Variants in EPS8L2 observed in about 807,000 individuals in gnomAD.
EPS8L2 encodes the protein epidermal growth factor receptor kinase substrate 8-like protein 2.
A neutral mutation model predicts 99.4 loss-of-function variants in EPS8L2; 81 were observed. That is an observed-to-expected ratio of 0.82 (90% CI 0.68 to 0.98). EPS8L2 has a LOEUF of 0.98. Ranked by LOEUF, EPS8L2 falls within the 50% of genes least tolerant of loss-of-function variation. The pLI, the probability that EPS8L2 is intolerant of heterozygous loss-of-function variation, is 0.00. For synonymous variants in EPS8L2, 509 were observed against 407.3 expected (o/e 1.25, Z -3.01); for missense variants, 1,155 against 968.8 (o/e 1.19, Z -2.55).
intron 7 of EPS8L2, 69 bp downstream of exon 7, chr11:720,978 G>GCCGGCAGGGGAGGGGAGGTGC (rs1862150058): frequency 9.6e-7 from 1 of 1,043,740 alleles, no homozygotes; most frequent in African/African-American, 1.9e-5. Flanking sequence ...GAGGGGAGGA[G>GCCGGCAGGGGAGGGGAGGTGC]CCGGCAGGGG....
At chr11:711,041 G>A (rs1311574387) in intron 4 of EPS8L2, among the ~76,000 whole-genome samples, 1 of 152,138 alleles carries the variant, frequency 6.6e-6, no homozygotes, top group East Asian at 1.9e-4. Flanking sequence ...GCCCCAAAAC[G>A]AGGAACTGTA....
intron 3 of EPS8L2, 103 bp from the exon 4 acceptor site, chr11:710,319 C>T: frequency 1.8e-6 from 2 of 1,135,552 alleles, no homozygotes; most frequent in Admixed American, 3.4e-5. Flanking sequence ...ACGGAGCAGC[C>T]TCCCTCCGCT....
In EPS8L2 at chr11:726,151, C is replaced by G. The variant is rs539848608; in HGVS notation, c.1734C>G (p.Ser578Arg). The change falls in exon 18 of 21, where the codon AGC (serine) becomes AGG (arginine). Residue 578 changes from serine to arginine, a missense_variant. Transcript: ENST00000318562. ...PASPTHKLPP[S>R]FPGNKDELMQ... ...GCCCGACCCACAAGCTACCCCCAAGCTTCCCGGGGAACAAAGACGGTGAGA... is the reference window on the plus strand; with the variant it reads ...GCCCGACCCACAAGCTACCCCCAAGGTTCCCGGGGAACAAAGACGGTGAGA... The G allele has an allele frequency of 6.2e-6, 10 of 1,608,904 alleles. No individual in the cohort carries two copies. The African/African-American group carries it at 1.3e-4, about 22-fold the overall frequency.
In EPS8L2 at chr11:715,178, C is replaced by A. The variant is rs553902212; in HGVS notation, c.165+4692C>A. 2.0e-3 allele frequency among the ~76,000 whole-genome samples: 304 copies of A among 151,594 alleles called. 3 individuals carry two copies. Among genetic ancestry groups the A allele is most frequent in the Non-Finnish European group, 1.5e-3 (101 of 67,970 alleles). On this transcript the variant is annotated intron_variant, in intron 4 of 20. Transcript: ENST00000318562. Reference sequence around the variant, plus strand: ...AATGGCGTGAACCCCGGAGGCGGAGCTTGCAGTAAGCTGAGATTGCGCCAC... The same window carrying A: ...AATGGCGTGAACCCCGGAGGCGGAGATTGCAGTAAGCTGAGATTGCGCCAC...
Position 721,669 on chromosome 11 carries a change from G to A in EPS8L2, c.873G>A (p.Lys291=). 3 of 1,589,766 alleles carry A rather than the reference G, an allele frequency of 1.9e-6. No individual in the cohort carries two copies. The highest frequency in any genetic ancestry group is 2.6e-6 in the Non-Finnish European group (3 of 1,170,464). Reference sequence around the variant, plus strand: ...TGAACCAGCGGAAAAAGGGGAAGAAGAAGGGCAAGAAGGCGCCAGCAGGTG... The same window carrying A: ...TGAACCAGCGGAAAAAGGGGAAGAAAAAGGGCAAGAAGGCGCCAGCAGGTG... ...KQLNQRKKGK[K]KGKKAPAEGV... The change falls in exon 10 of 21, where the codon AAG becomes AAA. Residue 291 remains lysine, a synonymous_variant. Transcript: ENST00000318562.
chr11:722,242 T>C, intron 12 of EPS8L2, 77 bp downstream of exon 12: 3 of 1,561,336 alleles, frequency 1.9e-6, no homozygotes, highest in Non-Finnish European at 2.6e-6. Context: ...GGGTCGGGGT[T>C]GGGGCAGCAG....
In EPS8L2 at chr11:720,098, A is replaced by G; in HGVS notation, c.202A>G (p.Ile68Val). ...ATFIMDKSEAITSVDDAIRKL... is the reference protein window; with the variant it reads ...ATFIMDKSEAVTSVDDAIRKL... Reference sequence around the variant, plus strand: ...ATTCATCATGGACAAGAGCGAAGCCATCACGTCTGTGGACGACGCCATCCG... The same window carrying G: ...ATTCATCATGGACAAGAGCGAAGCCGTCACGTCTGTGGACGACGCCATCCG... Residue 68 changes from isoleucine (I) to valine (V), a missense_variant, in exon 5 of 21, where the codon ATC becomes GTC. By Grantham distance (29) the Ile-to-Val change is conservative (BLOSUM62 3). Coordinates refer to ENST00000318562, the MANE Select transcript of EPS8L2 (RefSeq NM_022772.4). The G allele has an allele frequency of 6.2e-7, 1 of 1,613,312 alleles. No homozygotes were observed. Among genetic ancestry groups the G allele is most frequent in the South Asian group, 1.1e-5 (1 of 91,074 alleles).
In EPS8L2 at chr11:725,823, G is replaced by T; in HGVS notation, c.1656G>T (p.Glu552Asp). The change falls in exon 17 of 21, where the codon GAG (glutamate) becomes GAT (aspartate). Residue 552 changes from glutamate (E) to aspartate (D), a missense_variant. Physicochemically the swap from Glu to Asp is conservative, Grantham distance 45. Transcript: ENST00000318562. ...PCNILGEARP[E>D]DAGAPFEQAG... ...ACATCCTAGGCGAGGCGCGACCGGA[G>T]GACGCCGGCGCCCCGTTCGAGCAGG... 1 of 1,387,246 alleles carries T rather than the reference G, an allele frequency of 7.2e-7. No homozygotes were observed. Among genetic ancestry groups the T allele is most frequent in the East Asian group, 2.8e-5 (1 of 35,880 alleles). The allele number at this position is 1,387,246 out of a possible 1,614,324, so 85.9% of individuals were successfully genotyped here.
intron 17 of EPS8L2, 29 bp from the exon 18 acceptor site, chr11:726,069 G>T: frequency 6.8e-7 from 1 of 1,479,040 alleles, no homozygotes; most frequent in East Asian, 2.4e-5. Context: ...GCGGGGCGTG[G>T]GGAGCCTAAT....
At chr11:710,327 G>C (rs1861851422) in intron 3 of EPS8L2, 95 bp from the exon 4 acceptor site, 1 of 1,254,166 alleles carries the variant, frequency 8.0e-7, no homozygotes, top group Admixed American at 1.7e-5. Flanking sequence ...GCCTCCCTCC[G>C]CTTGACTCCA....
At chr11:725,102 G>A (rs552472930) in intron 16 of EPS8L2, among the ~76,000 whole-genome samples, 4 of 152,328 alleles carry the variant, frequency 2.6e-5, no homozygotes, top group South Asian at 2.1e-4. Flanking sequence ...TGGACTCAGC[G>A]GGGGCCTGTC....
At position 724,552 on chromosome 11, in the gene EPS8L2, C is replaced by CA; in HGVS notation, c.1455-171dup. The CA allele has an allele frequency of 1.6e-6, 1 of 608,908 alleles. No individual in the cohort carries two copies. The highest frequency in any genetic ancestry group is 1.9e-5 in the South Asian group (1 of 52,444). 37.7% of individuals were successfully genotyped at this position (608,908 alleles called of 1,614,324 possible). A position where few individuals can be genotyped will look rare whatever the true frequency, so the allele number is the denominator to read the frequency against. ...CAGGGCCCCAAAGCTCTGGGGCTGT[C>CA]ACAGTTTCCATTCCGGGCTGACGCT... On this transcript the variant is annotated intron_variant, in intron 15 of 20. Transcript: ENST00000318562. The surrounding 1 kb of genome is among the most constrained non-coding windows in gnomAD (Gnocchi z 5.5).
In EPS8L2 at chr11:722,426, A is replaced by C. The variant is rs758548435; in HGVS notation, c.1085A>C (p.Asp362Ala). 5.0e-6 allele frequency: 8 copies of C among 1,613,202 alleles called. No homozygotes were observed. The highest frequency in any genetic ancestry group is 1.3e-5 in the African/African-American group (1 of 74,912). The part of the protein sequence containing the change: ...DLIVNTCSGP[D>A]IARSVSCPLL... ...ATCGTCAACACCTGCAGTGGCCCAG[A>C]CATCGCACGCTCCGTCTCCTGCCCA... Residue 362 changes from aspartate to alanine, a missense_variant, in exon 13 of 21, where the codon GAC (aspartate) becomes GCC (alanine). Transcript: ENST00000318562.
chr11:716,590 A>C (rs549558049), intron 4 of EPS8L2, among the ~76,000 whole-genome samples: 2 of 152,252 alleles, frequency 1.3e-5, no homozygotes, highest in South Asian at 4.1e-4. Flanking sequence ...TTCTTTTCTA[A>C]GATATTCATG....
Position 720,746 on chromosome 11 carries a change from G to C in EPS8L2, c.477G>C (p.Glu159Asp). ...DVHFFHCDEV[E>D]AELVHEDIES... ...ACTTCTTCCACTGCGATGAGGTGGA[G>C]GTGAGGCGGTGCCGGGCGGGGCAGG... The change falls in exon 6 of 21, where the codon GAG becomes GAC. Residue 159 changes from glutamate (E) to aspartate (D), a missense_variant and splice_region_variant. Glu to Asp is a conservative substitution (Grantham distance 45). Transcript: ENST00000318562. 6.4e-7 allele frequency: 1 copy of C among 1,559,308 alleles called. No homozygotes were observed. The highest frequency in any genetic ancestry group is 1.2e-5 in the South Asian group (1 of 83,832).
intron 4 of EPS8L2, among the ~76,000 whole-genome samples, chr11:715,060 G>A (rs113921663): frequency 0.031 from 4,664 of 152,170 alleles, 93 homozygotes; most frequent in Middle Eastern, 0.095. Context: ...GGCTAACATG[G>A]TGAAACCCCG....
rs983271016 is a variant in EPS8L2 at position 725,740 on chromosome 11, G to C, written c.1573G>C (p.Gly525Arg). ...KDEVLEVLED[G>R]RQWWKLRSRS... Reference sequence around the variant, plus strand: ...GCGCGCCCCGCAGGTGCTGGAGGACGGCCGGCAGTGGTGGAAGCTGCGCAG... The same window carrying C: ...GCGCGCCCCGCAGGTGCTGGAGGACCGCCGGCAGTGGTGGAAGCTGCGCAG... Residue 525 changes from glycine (G) to arginine (R), a missense_variant, in exon 17 of 21, where the codon GGC becomes CGC. Gly to Arg is a moderately radical substitution (Grantham distance 125). Transcript: ENST00000318562. 6 of 1,326,508 alleles carry C rather than the reference G, an allele frequency of 4.5e-6. No individual in the cohort carries two copies. The highest frequency in any genetic ancestry group is 5.8e-6 in the Non-Finnish European group (6 of 1,039,820). 82.2% of individuals were successfully genotyped at this position (1,326,508 alleles called of 1,614,324 possible). A position where few individuals can be genotyped will look rare whatever the true frequency, so the allele number is the denominator to read the frequency against.
rs750801277 is a variant in EPS8L2 at position 722,080 on chromosome 11, C to G, written c.985-11C>G. The G allele has an allele frequency of 6.2e-7, 1 of 1,612,850 alleles. No individual in the cohort carries two copies. The highest frequency in any genetic ancestry group is 8.5e-7 in the Non-Finnish European group (1 of 1,179,752). Reference sequence around the variant, plus strand: ...CCGCCCCGGCACCTGCTCACTTGTTCCCACCCCCAGGCAAAGCTGCAGAAG... The same window carrying G: ...CCGCCCCGGCACCTGCTCACTTGTTGCCACCCCCAGGCAAAGCTGCAGAAG... On this transcript the variant is annotated splice_polypyrimidine_tract_variant and intron_variant, in intron 11 of 20. Coordinates refer to ENST00000318562, the MANE Select transcript of EPS8L2 (RefSeq NM_022772.4).
intron 4 of EPS8L2, among the ~76,000 whole-genome samples, chr11:718,257 C>T (rs554345155): frequency 4.0e-5 from 6 of 150,324 alleles, no homozygotes; most frequent in African/African-American, 1.2e-4. Context: ...CACTTGAACC[C>T]GGGAGGCGGA....
Sources: allele counts gnomAD v4.1 joint callset (sites outside exome capture counted in the v4.1 genomes callset), GRCh38; gene constraint gnomAD v4.1.1; non-coding constraint Gnocchi (gnomAD v3.1); transcripts MANE v1.5; gene names NCBI Gene and HGNC (gene_info 2026-07-23, HGNC 2026-07-21).